GPHN: variants seen among roughly 807,000 people sequenced by gnomAD.
GPHN encodes the protein gephyrin.
A neutral mutation model predicts 95.5 loss-of-function variants in GPHN; 17 were observed. The observed-to-expected ratio is 0.18, with a 90% CI of 0.12 to 0.27. The LOEUF is 0.27. Among genes scored for constraint, GPHN ranks in the 10% least tolerant of loss-of-function variants. GPHN has a pLI of 1.00. For missense variants in GPHN, 660 were observed against 978.1 expected, an observed-to-expected ratio of 0.67 and a Z score of 4.34; for synonymous variants, 320 against 322.5, an observed-to-expected ratio of 0.99 and a Z score of 0.08.
intron 2 of GPHN, among the ~76,000 whole-genome samples, chr14:66,728,569 T>G (rs2071465827): frequency 6.6e-6 from 1 of 152,170 alleles, no homozygotes; most frequent in Admixed American, 6.5e-5. Context: ...TCAAAGGAGA[T>G]CATTTGATTT....
At chr14:67,707,747 G>A in the GPHN span, among the ~76,000 whole-genome samples, 30 of 152,346 alleles carry the variant, frequency 2.0e-4, no homozygotes, top group South Asian at 6.2e-4. Flanking sequence ...GAGCCCAGCC[G>A]TGGATTTGTG....
At chr14:66,629,080 C>CGT (rs2063630451) in intron 1 of GPHN, among the ~76,000 whole-genome samples, 1 of 111,870 alleles carries the variant, frequency 8.9e-6, no homozygotes, top group Non-Finnish European at 1.7e-5. Context: ...AAAAAAAATA[C>CGT]ATATATATAT....
At chr14:67,347,647 T>C in the GPHN span, among the ~76,000 whole-genome samples, 1 of 151,882 alleles carries the variant, frequency 6.6e-6, no homozygotes, top group Non-Finnish European at 1.5e-5. Context: ...ATTACAGGCA[T>C]GCACCACCAC....
intron 2 of GPHN, among the ~76,000 whole-genome samples, chr14:66,750,203 A>G (rs1050557717): frequency 1.1e-4 from 16 of 151,788 alleles, no homozygotes; most frequent in Admixed American, 6.6e-5. Flanking sequence ...TAGGAGTTTT[A>G]TATTTTTATG....
At chr14:66,918,397 A>G (rs1216544914) in intron 6 of GPHN, among the ~76,000 whole-genome samples, 2 of 152,210 alleles carry the variant, frequency 1.3e-5, no homozygotes, top group Non-Finnish European at 2.9e-5. Flanking sequence ...GAGAGAAGCA[A>G]TTGGGGGCCT....
intron 2 of GPHN, among the ~76,000 whole-genome samples, chr14:66,696,062 C>T (rs542574223): frequency 4.6e-5 from 7 of 152,222 alleles, no homozygotes; most frequent in African/African-American, 1.4e-4. Flanking sequence ...TGTGCCACTT[C>T]GTTGGGGTAT....
At chr14:66,679,503 A>G (rs2066815620) in intron 1 of GPHN, among the ~76,000 whole-genome samples, 1 of 152,098 alleles carries the variant, frequency 6.6e-6, no homozygotes, top group East Asian at 1.9e-4. Context: ...GGCTAGTCTC[A>G]GCAATTTTTA....
the GPHN span, among the ~76,000 whole-genome samples, chr14:67,231,183 A>G: frequency 0.047 from 7,124 of 152,324 alleles, 187 homozygotes; most frequent in Non-Finnish European, 0.054. Context: ...TACATGCTAT[A>G]TAATTCCTTT....
At chr14:67,312,339 A>G in the GPHN span, among the ~76,000 whole-genome samples, 1 of 152,124 alleles carries the variant, frequency 6.6e-6, no homozygotes, top group African/African-American at 2.4e-5. Context: ...CCACTTTGGG[A>G]GGCTGAGGGA....
chr14:66,842,792 T>C (rs1596110661), intron 4 of GPHN: 2 of 1,042,754 alleles, frequency 1.9e-6, no homozygotes, highest in East Asian at 5.2e-5. Flanking sequence ...TTTATCATCA[T>C]AAAAAATGCT....
the GPHN span, among the ~76,000 whole-genome samples, chr14:67,246,594 A>G: frequency 6.7e-6 from 1 of 149,478 alleles, no homozygotes; most frequent in Non-Finnish European, 1.5e-5. Flanking sequence ...TTCCACCTCA[A>G]CCTCCAAAAG....
At chr14:67,725,485 C>T in the GPHN span, among the ~76,000 whole-genome samples, 1 of 152,198 alleles carries the variant, frequency 6.6e-6, no homozygotes, top group Non-Finnish European at 1.5e-5. Flanking sequence ...GGTGTTAGCT[C>T]CCTGTCTGGG....
intron 18 of GPHN, among the ~76,000 whole-genome samples, chr14:67,149,671 A>G (rs1181753292): frequency 6.6e-6 from 1 of 152,210 alleles, no homozygotes; most frequent in South Asian, 2.1e-4. Flanking sequence ...CATATTAATT[A>G]TGATGTTTAA....
chr14:66,952,793 C>G (rs980996874), intron 8 of GPHN, among the ~76,000 whole-genome samples: 2 of 152,114 alleles, frequency 1.3e-5, no homozygotes, highest in Non-Finnish European at 2.9e-5. Context: ...CTCCCGGGTT[C>G]AAGTGATTCT....
At chr14:66,804,301 C>G (rs112904964) in intron 3 of GPHN, among the ~76,000 whole-genome samples, 6 of 152,308 alleles carry the variant, frequency 3.9e-5, no homozygotes, top group South Asian at 2.1e-4. Flanking sequence ...GCCCAGCTCT[C>G]TTGTCTCCAG....
the GPHN span, among the ~76,000 whole-genome samples, chr14:67,262,763 GTCTT>G: frequency 1.1e-4 from 16 of 152,236 alleles, no homozygotes; most frequent in Non-Finnish European, 1.8e-4. Context: ...AGTCAACTCT[GTCTT>G]TATCTTCTAT....
the GPHN span, among the ~76,000 whole-genome samples, chr14:67,694,269 C>T: frequency 5.3e-5 from 8 of 152,170 alleles, no homozygotes; most frequent in South Asian, 1.7e-3. Flanking sequence ...TAGGCTGTTT[C>T]CCACATCCCC....
chr14:67,225,128 T>C, the GPHN span: 1 of 1,580,438 alleles, frequency 6.3e-7, no homozygotes. Context: ...TTCTCTCCCC[T>C]CATATCAAAT....
chr14:66,932,444 GTTTTTTTTTTTTTTTTTTTTT>G (rs35159325), intron 8 of GPHN, among the ~76,000 whole-genome samples: 4 of 24,380 alleles, frequency 1.6e-4, no homozygotes, highest in Non-Finnish European at 2.9e-4. Flanking sequence ...CCAAGACCAG[GTTTTTTTTTTTTTTTTTTTTT>G]TTTTTTTTTT....
Sources: gnomAD v4.1 joint callset for allele counts (sites outside exome capture counted in the v4.1 genomes callset) on GRCh38, gnomAD v4.1.1 for gene constraint, MANE v1.5 for transcripts, NCBI Gene and HGNC (gene_info 2026-07-23, HGNC 2026-07-21) for gene names.